Variants in COL5A2 observed in about 807,000 individuals in gnomAD.
The protein encoded by COL5A2 is collagen type V alpha 2 chain.
Under a neutral mutation model 208.2 loss-of-function variants are expected in COL5A2, and 23 were observed. That is an observed-to-expected ratio of 0.11 (90% CI 0.08 to 0.16). COL5A2 has a LOEUF of 0.16. Ranked by LOEUF, COL5A2 falls within the 10% of genes least tolerant of loss-of-function variation. COL5A2 has a pLI of 1.00. For missense variants in COL5A2, 1,590 were observed against 1,956.4 expected (o/e 0.81, Z 3.53); for synonymous variants, 625 against 628.5 (o/e 0.99, Z 0.08).
intron 1 of COL5A2, among the ~76,000 whole-genome samples, chr2:189,211,223 A>G (rs940957918): frequency 1.2e-4 from 19 of 152,198 alleles, no homozygotes; most frequent in African/African-American, 4.3e-4. Context: ...GTTCGGTATC[A>G]TTTCAAATTA....
At chr2:189,188,757 G>C (rs1223462656) in intron 1 of COL5A2, among the ~76,000 whole-genome samples, 2 of 152,220 alleles carry the variant, frequency 1.3e-5, no homozygotes, top group Non-Finnish European at 2.9e-5. Context: ...AACAAATAAG[G>C]AGTCATTCAT....
At chr2:189,297,804 A>G in the COL5A2 span, among the ~76,000 whole-genome samples, 1 of 152,184 alleles carries the variant, frequency 6.6e-6, no homozygotes, top group Non-Finnish European at 1.5e-5. Context: ...TGCCAAACCA[A>G]TGAAAGACAT....
the COL5A2 span, among the ~76,000 whole-genome samples, chr2:189,397,893 T>C: frequency 6.6e-6 from 1 of 152,076 alleles, no homozygotes; most frequent in Non-Finnish European, 1.5e-5. Flanking sequence ...AGATGAATTG[T>C]TGATTTTTAG....
chr2:189,318,688 T>C, the COL5A2 span, among the ~76,000 whole-genome samples: 7 of 152,354 alleles, frequency 4.6e-5, no homozygotes, highest in Admixed American at 3.3e-4. Flanking sequence ...ATTATTAAAC[T>C]TTTCTTAACA....
At chr2:189,062,757 T>C in intron 29 of COL5A2, 108 bp downstream of exon 29, 1 of 1,265,180 alleles carries the variant, frequency 7.9e-7, no homozygotes, top group Non-Finnish European at 1.2e-6. Flanking sequence ...CATACATTCT[T>C]ATTCACTTTC....
the COL5A2 span, among the ~76,000 whole-genome samples, chr2:189,236,491 T>A: frequency 6.6e-6 from 1 of 151,866 alleles, no homozygotes; most frequent in African/African-American, 2.4e-5. Context: ...CTATCAATAA[T>A]TGATGAGAGT....
At chr2:189,419,805 CAGAAAAGAAA>C in the COL5A2 span, among the ~76,000 whole-genome samples, 8 of 136,140 alleles carry the variant, frequency 5.9e-5, no homozygotes, top group African/African-American at 1.9e-4. Flanking sequence ...AGAAGAAAAA[CAGAAAAGAAA>C]AGAAAAGAGA....
At chr2:189,189,577 T>C (rs11681286) in intron 1 of COL5A2, among the ~76,000 whole-genome samples, 88,725 of 151,904 alleles carry the variant, frequency 0.58, 27,288 homozygotes, top group East Asian at 0.72. Context: ...ACTTGAGCCC[T>C]GGAGTTTGAA....
chr2:189,054,782 A>G (rs1685867446), intron 35 of COL5A2, among the ~76,000 whole-genome samples: 1 of 148,918 alleles, frequency 6.7e-6, no homozygotes, highest in Non-Finnish European at 1.5e-5. Context: ...ATCACAGCAC[A>G]TGCATCTTTG....
chr2:189,364,049 C>T, the COL5A2 span, among the ~76,000 whole-genome samples: 1 of 152,164 alleles, frequency 6.6e-6, no homozygotes, highest in African/African-American at 2.4e-5. Context: ...ATCTAAAAAA[C>T]GCAAGCAATG....
At chr2:189,269,526 G>A in the COL5A2 span, among the ~76,000 whole-genome samples, 39 of 152,068 alleles carry the variant, frequency 2.6e-4, no homozygotes, top group African/African-American at 9.4e-4. Flanking sequence ...TTCTATTTAT[G>A]TGATGCATTA....
At chr2:189,247,925 C>G in the COL5A2 span, among the ~76,000 whole-genome samples, 1 of 152,118 alleles carries the variant, frequency 6.6e-6, no homozygotes, top group African/African-American at 2.4e-5. Context: ...GCAAGCAACT[C>G]AATGTATTAA....
At chr2:189,120,902 A>G (rs528476196) in intron 1 of COL5A2, among the ~76,000 whole-genome samples, 1 of 152,344 alleles carries the variant, frequency 6.6e-6, no homozygotes, top group East Asian at 1.9e-4. Context: ...AAAATAACAT[A>G]ATGTATGCAT....
chr2:189,350,904 G>A, the COL5A2 span, among the ~76,000 whole-genome samples: 1 of 152,118 alleles, frequency 6.6e-6, no homozygotes, highest in Non-Finnish European at 1.5e-5. Flanking sequence ...TGAACTACAA[G>A]TTGAATTTTT....
chr2:189,118,705 G>A (rs921810710), intron 1 of COL5A2, among the ~76,000 whole-genome samples: 9 of 152,228 alleles, frequency 5.9e-5, no homozygotes, highest in African/African-American at 2.2e-4. Flanking sequence ...AGGCATGGGT[G>A]AAAGGAGACT....
chr2:189,326,158 T>C, the COL5A2 span, among the ~76,000 whole-genome samples: 1 of 150,918 alleles, frequency 6.6e-6, no homozygotes, highest in East Asian at 1.9e-4. Context: ...GTATGTGAGA[T>C]CACAACAGCA....
chr2:189,144,048 A>T (rs1181483972), intron 1 of COL5A2, among the ~76,000 whole-genome samples: 4 of 152,148 alleles, frequency 2.6e-5, no homozygotes, highest in African/African-American at 9.7e-5. Context: ...AAAAAGAAAC[A>T]ACGTAGTGTT....
chr2:189,300,901 A>C, the COL5A2 span, among the ~76,000 whole-genome samples: 5 of 152,170 alleles, frequency 3.3e-5, no homozygotes, highest in African/African-American at 1.2e-4. Flanking sequence ...AAGAAAGATG[A>C]TCTGGCTGGG....
At chr2:189,182,383 G>A (rs1485583402), upstream of COL5A2, among the ~76,000 whole-genome samples, 3 of 152,144 alleles carry the variant, frequency 2.0e-5, no homozygotes, top group Non-Finnish European at 4.4e-5. Flanking sequence ...GTTCAAAGAT[G>A]TTTACTTGCT....
Sources: gnomAD v4.1 joint callset for allele counts (sites outside exome capture counted in the v4.1 genomes callset) on GRCh38, gnomAD v4.1.1 for gene constraint, MANE v1.5 for transcripts, NCBI Gene and HGNC (gene_info 2026-07-23, HGNC 2026-07-21) for gene names.